The following CNTN4 variants were observed in gnomAD, a reference collection of about 807,000 sequenced individuals.
CNTN4 encodes contactin 4.
A neutral mutation model predicts 122.5 loss-of-function variants in CNTN4; 77 were observed. The observed-to-expected ratio is 0.63, with a 90% confidence interval of 0.52 to 0.76. CNTN4 has a LOEUF of 0.76. CNTN4 is among the 30% of genes least tolerant of loss of function. The pLI is 0.00. For missense variants in CNTN4, 1,256 were observed against 1,259.1 expected, an observed-to-expected ratio of 1.00 and a Z score of 0.04; for synonymous variants, 512 against 447.0, an observed-to-expected ratio of 1.15 and a Z score of -1.83.
chr3:2,416,614 T>C (rs2047422595), intron 3 of CNTN4, among the ~76,000 whole-genome samples: 1 of 152,194 alleles, frequency 6.6e-6, no homozygotes, highest in East Asian at 1.9e-4. Context: ...AAATCGTGTA[T>C]GACTTGTGAT....
intron 3 of CNTN4, among the ~76,000 whole-genome samples, chr3:2,459,333 A>C (rs1410167959): frequency 6.6e-6 from 1 of 152,118 alleles, no homozygotes; most frequent in Non-Finnish European, 1.5e-5. Flanking sequence ...AATTGGCCAC[A>C]TGTGGACACA....
At chr3:2,416,326 CA>C (rs1475032788) in intron 3 of CNTN4, among the ~76,000 whole-genome samples, 1 of 152,072 alleles carries the variant, frequency 6.6e-6, no homozygotes, top group Non-Finnish European at 1.5e-5. Context: ...TTGTGACCTT[CA>C]AAATTTACTT....
At chr3:2,239,568 C>T (rs1045623135) in intron 2 of CNTN4, among the ~76,000 whole-genome samples, 5 of 152,158 alleles carry the variant, frequency 3.3e-5, no homozygotes, top group African/African-American at 1.2e-4. Flanking sequence ...TCCCTAAGCT[C>T]AGTTCCTTAT....
intron 3 of CNTN4, among the ~76,000 whole-genome samples, chr3:2,507,296 G>T (rs1159535667): frequency 6.6e-6 from 1 of 152,124 alleles, no homozygotes; most frequent in Admixed American, 6.5e-5. Context: ...ATAACAGCCA[G>T]TAGCACCCCT....
At chr3:2,833,889 C>T (rs2093157543) in intron 7 of CNTN4, among the ~76,000 whole-genome samples, 1 of 152,148 alleles carries the variant, frequency 6.6e-6, no homozygotes. Flanking sequence ...CCTATAATCC[C>T]AACACTTGGG....
rs562398828 is a variant in CNTN4 at position 3,037,086 on chromosome 3, A to G, written c.1943-93A>G. 5.0e-6 allele frequency: 7 copies of G among 1,392,760 alleles called. No individual in the cohort carries two copies. In the East Asian group the frequency reaches 1.6e-4, roughly 32 times the overall value. 86.3% of individuals were successfully genotyped at this position (1,392,760 alleles called of 1,614,324 possible). Reference sequence around the variant, plus strand: ...CACTGCCCTGAATACAATAATGATGAGGATGGATGGATGTTCCTATCTTCC... The same window carrying G: ...CACTGCCCTGAATACAATAATGATGGGGATGGATGGATGTTCCTATCTTCC... On this transcript the variant is annotated intron_variant, in intron 17 of 24. Transcript: ENST00000418658.
chr3:2,279,962 CTT>C (rs1247160228), intron 2 of CNTN4, among the ~76,000 whole-genome samples: 1 of 147,040 alleles, frequency 6.8e-6, no homozygotes, highest in African/African-American at 2.5e-5. Context: ...ATATCTAGCT[CTT>C]ATATATAGAG....
chr3:2,161,817 T>C (rs1345171744), intron 2 of CNTN4, among the ~76,000 whole-genome samples: 1 of 152,170 alleles, frequency 6.6e-6, no homozygotes, highest in Non-Finnish European at 1.5e-5. Flanking sequence ...AGTTGAGGAA[T>C]TCCTGTTTCT....
chr3:2,540,383 G>C (rs930251710), intron 3 of CNTN4, among the ~76,000 whole-genome samples: 3 of 151,912 alleles, frequency 2.0e-5, no homozygotes, highest in African/African-American at 7.2e-5. Context: ...GGCATGGAGT[G>C]TTAATTTCTC....
At chr3:2,827,137 C>T (rs2150338794) in intron 7 of CNTN4, among the ~76,000 whole-genome samples, 1 of 152,284 alleles carries the variant, frequency 6.6e-6, no homozygotes, top group South Asian at 2.1e-4. Flanking sequence ...GGTTTGTCAA[C>T]TGTGCTTTGG....
At chr3:2,248,671 A>G (rs1575168573) in intron 2 of CNTN4, among the ~76,000 whole-genome samples, 2 of 151,972 alleles carry the variant, frequency 1.3e-5, no homozygotes, top group Non-Finnish European at 1.5e-5. Flanking sequence ...GCCATTCATC[A>G]TATCTGGAAG....
chr3:2,904,336 A>G (rs2094206516), intron 12 of CNTN4, among the ~76,000 whole-genome samples: 1 of 152,230 alleles, frequency 6.6e-6, no homozygotes, highest in Admixed American at 6.5e-5. Context: ...TAAATCTTGC[A>G]TATAGAAGTA....
intron 6 of CNTN4, among the ~76,000 whole-genome samples, chr3:2,776,572 C>A (rs373493263): frequency 6.6e-6 from 1 of 152,072 alleles, no homozygotes; most frequent in Non-Finnish European, 1.5e-5. Flanking sequence ...TTCTTTTACA[C>A]GTGAATTTGT....
chr3:3,056,375 A>G lies in CNTN4; in HGVS notation c.*155A>G. ...TTCTTTAGGAATGGCATTATACAGT[A>G]CTTCCTCAAAGCAAATCTAGCTTTG... On this transcript the variant is annotated 3_prime_UTR_variant, in exon 25 of 25. Transcript: ENST00000418658. 1.6e-6 allele frequency: 1 copy of G among 631,492 alleles called. No individual in the cohort carries two copies. Among genetic ancestry groups the G allele is most frequent in the Non-Finnish European group, 2.8e-6 (1 of 353,322 alleles). 39.1% of individuals were successfully genotyped at this position (631,492 alleles called of 1,614,324 possible). A position where few individuals can be genotyped will look rare whatever the true frequency, so the allele number is the denominator to read the frequency against.
chr3:2,764,209 A>G (rs2090733836), intron 6 of CNTN4, among the ~76,000 whole-genome samples: 1 of 152,188 alleles, frequency 6.6e-6, no homozygotes, highest in Non-Finnish European at 1.5e-5. Context: ...ATGTTCATCA[A>G]GTAATCACAC....
intron 3 of CNTN4, among the ~76,000 whole-genome samples, chr3:2,459,196 G>C (rs73804602): frequency 0.033 from 5,060 of 152,170 alleles, 276 homozygotes; most frequent in African/African-American, 0.11. Context: ...CACTTTCCTA[G>C]GAAGATCTTC....
chr3:2,866,143 G>T (rs898178910), intron 7 of CNTN4, among the ~76,000 whole-genome samples: 1 of 152,128 alleles, frequency 6.6e-6, no homozygotes, highest in African/African-American at 2.4e-5. Context: ...GATAGTAGGA[G>T]GCATTGGGAG....
intron 20 of CNTN4, among the ~76,000 whole-genome samples, 156 bp from the exon 21 acceptor site, chr3:3,042,154 C>G (rs961508133): frequency 1.3e-5 from 2 of 152,188 alleles, no homozygotes; most frequent in African/African-American, 2.4e-5. Context: ...CCAACTCCAG[C>G]TATTAATCAC....
At chr3:2,283,905 C>A (rs2041813652) in intron 2 of CNTN4, among the ~76,000 whole-genome samples, 2 of 152,074 alleles carry the variant, frequency 1.3e-5, no homozygotes, top group African/African-American at 4.8e-5. Flanking sequence ...GCATATTTCC[C>A]TTTATGAATT....
Sources: allele counts gnomAD v4.1 joint callset (sites outside exome capture counted in the v4.1 genomes callset), GRCh38; gene constraint gnomAD v4.1.1; transcripts MANE v1.5; gene names NCBI Gene and HGNC (gene_info 2026-07-23, HGNC 2026-07-21).